Variants in NLRX1 observed in about 807,000 individuals in gnomAD.
The protein encoded by NLRX1 is NOD-like receptor X1.
In NLRX1, 67 loss-of-function variants were observed where a neutral mutation model predicts 74.2. The observed-to-expected ratio is 0.90, with a 90% CI of 0.74 to 1.11. The LOEUF is 1.11. NLRX1 is among the 50% of genes least tolerant of loss of function. The probability of loss-of-function intolerance (pLI) is 0.00; values close to 1 mark genes in which losing one functional copy is unlikely to be tolerated. For synonymous variants in NLRX1, 506 were observed against 559.1 expected (o/e 0.91, Z 1.34); for missense variants, 1,191 against 1,305.4 (o/e 0.91, Z 1.35).
chr11:119,172,148 A>T (rs923141020), intron 2 of NLRX1, among the ~76,000 whole-genome samples: 9 of 152,266 alleles, frequency 5.9e-5, no homozygotes, highest in African/African-American at 2.2e-4. Context: ...AAAAAATTTT[A>T]AAACACCCAA....
In NLRX1 at chr11:119,173,102, CCCT is replaced by C; in HGVS notation, c.229+121_229+123del. 2.5e-6 allele frequency: 2 copies of C among 787,480 alleles called. No individual in the cohort carries two copies. The highest frequency in any genetic ancestry group is 2.6e-5 in the East Asian group (1 of 38,978). The allele number at this position is 787,480 out of a possible 1,614,324, so 48.8% of individuals were successfully genotyped here. A position where few individuals can be genotyped will look rare whatever the true frequency, so the allele number is the denominator to read the frequency against. ...TCCACTGCCATCTTCCATCGGTGGT[CCCT>C]CCTCCTCTCTCTCTCTCCCTCCCAT... On this transcript the variant is annotated intron_variant, in intron 4 of 9. Transcript: ENST00000409109. The surrounding 1 kb of genome is among the most constrained non-coding windows in gnomAD (Gnocchi z 4.0).
chr11:119,174,360 C>T (rs1948636198), intron 5 of NLRX1, 93 bp from the exon 6 acceptor site: 2 of 1,312,752 alleles, frequency 1.5e-6, no homozygotes, highest in East Asian at 4.6e-5. Flanking sequence ...ATGTCTTCAT[C>T]CTTGGACACT....
chr11:119,170,660 G>A (rs559992847), intron 1 of NLRX1, among the ~76,000 whole-genome samples: 5 of 152,272 alleles, frequency 3.3e-5, no homozygotes, highest in African/African-American at 9.6e-5. Context: ...TGATATCTGC[G>A]GAAGAAAGGC....
chr11:119,171,221 A>T, intron 1 of NLRX1, 135 bp from the exon 2 acceptor site: 1 of 539,598 alleles, frequency 1.9e-6, no homozygotes, highest in Non-Finnish European at 3.2e-6. Flanking sequence ...AAACCAGGCC[A>T]GGGCTTCAGC....
chr11:119,172,526 G>A, intron 3 of NLRX1, 101 bp downstream of exon 3: 1 of 894,378 alleles, frequency 1.1e-6, no homozygotes, highest in Non-Finnish European at 1.9e-6. Flanking sequence ...GGGACCTTGG[G>A]GAGGGGCTTG....
At chr11:119,171,680 C>T (rs1011371119) in intron 2 of NLRX1, among the ~76,000 whole-genome samples, 1 of 152,024 alleles carries the variant, frequency 6.6e-6, no homozygotes, top group African/African-American at 2.4e-5. Flanking sequence ...TGGCCAGGTG[C>T]GGTGGCTCAT....
At chr11:119,182,470 T>C in intron 9 of NLRX1, 125 bp downstream of exon 9, 2 of 1,362,648 alleles carry the variant, frequency 1.5e-6, no homozygotes, top group Non-Finnish European at 1.0e-6. Context: ...TATTCCTGGT[T>C]TCTGACTGAT....
At chr11:119,174,306 A>G in intron 5 of NLRX1, 147 bp from the exon 6 acceptor site, 2 of 1,020,730 alleles carry the variant, frequency 2.0e-6, no homozygotes, top group Admixed American at 4.6e-5. Context: ...CCTGGATCAC[A>G]GCAGGTGTTC....
chr11:119,172,829 C>A, intron 3 of NLRX1, 72 bp from the exon 4 acceptor site: 5 of 1,132,766 alleles, frequency 4.4e-6, no homozygotes, highest in Non-Finnish European at 6.7e-6. Context: ...TGCAGATAGG[C>A]TTGGACCCAG....
intron 8 of NLRX1, among the ~76,000 whole-genome samples, chr11:119,181,750 G>GAGA (rs1390565261): frequency 6.6e-6 from 1 of 152,242 alleles, no homozygotes; most frequent in East Asian, 1.9e-4. Context: ...AGAGGGGAGG[G>GAGA]AGAAGCAGAG....
At chr11:119,172,248 G>C (rs1041746255) in intron 2 of NLRX1, 108 bp from the exon 3 acceptor site, 2 of 797,242 alleles carry the variant, frequency 2.5e-6, no homozygotes, top group African/African-American at 3.4e-5. Context: ...CTGCTGCAAA[G>C]GGGCAGTACA....
chr11:119,169,168 GGGAC>G lies in NLRX1; in HGVS notation c.-179_-176del, dbSNP rs1565822618. On this transcript the variant is annotated 5_prime_UTR_variant, in exon 1 of 10. Coordinates refer to ENST00000409109, the MANE Select transcript of NLRX1 (RefSeq NM_001282144.2). The stretch of plus-strand genomic sequence containing the variant: ...GGGGAGATCCCGGCCGAGAACGAGA[GGGAC>G]GGAGCTGGGCGCTGAATGGCGGGCG... The G allele has an allele frequency of 2.0e-5, 3 of 152,490 alleles. No individual in the cohort carries two copies. Among genetic ancestry groups the G allele is most frequent in the Admixed American group, 2.0e-4 (3 of 15,286 alleles). 9.4% of individuals were successfully genotyped at this position (152,490 alleles called of 1,614,324 possible).
chr11:119,171,367 G>T lies in NLRX1; in HGVS notation c.-37G>T. The T allele has an allele frequency of 6.2e-7, 1 of 1,612,192 alleles. No homozygotes were observed. The highest frequency in any genetic ancestry group is 8.5e-7 in the Non-Finnish European group (1 of 1,179,496). On this transcript the variant is annotated 5_prime_UTR_variant, in exon 2 of 10. Transcript: ENST00000409109. ...TATTCTTCTTGCAGGACAGAAGTCG[G>T]TCCTAGGCCCCCCAGGCTCTGACCT...
At chr11:119,171,769 G>A (rs1249076955) in intron 2 of NLRX1, among the ~76,000 whole-genome samples, 1 of 151,784 alleles carries the variant, frequency 6.6e-6, no homozygotes, top group Non-Finnish European at 1.5e-5. Flanking sequence ...TGGCAACATG[G>A]TGAAACCCTG....
At chr11:119,179,193 T>A (rs375898256) in intron 6 of NLRX1, among the ~76,000 whole-genome samples, 73 of 152,322 alleles carry the variant, frequency 4.8e-4, no homozygotes, top group African/African-American at 1.7e-3. Context: ...AAACTAAGTG[T>A]GTAATACATG....
chr11:119,182,171 AC>A lies in NLRX1; in HGVS notation c.2434del (p.Leu812CysfsTer29). The A allele has an allele frequency of 6.2e-7, 1 of 1,614,044 alleles. No homozygotes were observed. The highest frequency in any genetic ancestry group is 2.2e-5 in the East Asian group (1 of 44,876). ...CTGGCAGGAAACACCTCAGTGACGC[AC>A]CTGTCCCTGCTGCACACGGGCCTTG... ...EGLAGNTSVT[H>X]LSLLHTGLGD... On this transcript the variant is annotated frameshift_variant, in exon 9 of 10. Coordinates refer to ENST00000409109, the MANE Select transcript of NLRX1 (RefSeq NM_001282144.2). LOFTEE classifies it high-confidence loss of function.
intron 2 of NLRX1, among the ~76,000 whole-genome samples, chr11:119,172,084 T>C (rs1339757771): frequency 6.6e-6 from 1 of 152,212 alleles, no homozygotes; most frequent in Non-Finnish European, 1.5e-5. Flanking sequence ...ACCGCAGACC[T>C]GGTGTTAAGT....
In NLRX1 at chr11:119,183,873, C is replaced by G. The variant is rs765125613; in HGVS notation, c.*434C>G. ...GCTTCCCCTCCTGCCTTATGCTCAC[C>G]TGTGGACACCGAGGATGCCCTCACA... On this transcript the variant is annotated 3_prime_UTR_variant, in exon 10 of 10. Coordinates refer to ENST00000409109, the MANE Select transcript of NLRX1 (RefSeq NM_001282144.2). This position sits in a 1 kb window ranked among gnomAD's most constrained non-coding sequence, Gnocchi z 5.7. 2.6e-6 allele frequency: 2 copies of G among 780,918 alleles called. No individual in the cohort carries two copies. Among genetic ancestry groups the G allele is most frequent in the Non-Finnish European group, 4.8e-6 (2 of 417,992 alleles). The allele number at this position is 780,918 out of a possible 1,614,324, so 48.4% of individuals were successfully genotyped here.
At position 119,180,285 on chromosome 11, in the gene NLRX1, T is replaced by C. The variant is rs1421583169; in HGVS notation, c.2264T>C (p.Leu755Pro). ...CCTGTCTTCCTGCGTGCCCGGAAGC[T>C]GGGGTGAGGACCTATCCTCATGCAC... The part of the protein sequence containing the change: ...LLPVFLRARK[L>P]GLQLNSLGPE... Residue 755 changes from leucine (L) to proline (P), a missense_variant, in exon 7 of 10, where the codon CTG becomes CCG. Transcript: ENST00000409109. 2 of 1,574,670 alleles carry C rather than the reference T, an allele frequency of 1.3e-6. No homozygotes were observed. Among genetic ancestry groups the C allele is most frequent in the Non-Finnish European group, 1.7e-6 (2 of 1,154,172 alleles).
Sources: allele counts gnomAD v4.1 joint callset (sites outside exome capture counted in the v4.1 genomes callset), GRCh38; gene constraint gnomAD v4.1.1; non-coding constraint Gnocchi (gnomAD v3.1); transcripts MANE v1.5; gene names NCBI Gene and HGNC (gene_info 2026-07-23, HGNC 2026-07-21).